CDK14: variants seen among roughly 807,000 people sequenced by gnomAD.
CDK14 encodes the protein cyclin dependent kinase 14, also known as cyclin-dependent kinase 14.
CDK14 carries 34 observed loss-of-function variants against 60.7 expected under a neutral mutation model. That is an observed-to-expected ratio of 0.56 (90% CI 0.43 to 0.75). The LOEUF (loss-of-function observed/expected upper bound fraction) is 0.75. Among genes scored for constraint, CDK14 ranks in the 30% least tolerant of loss-of-function variants. The pLI, the probability that CDK14 is intolerant of heterozygous loss-of-function variation, is 0.00. For synonymous variants in CDK14, 197 were observed against 203.7 expected, an observed-to-expected ratio of 0.97 and a Z score of 0.28; for missense variants, 482 against 564.1, an observed-to-expected ratio of 0.85 and a Z score of 1.47.
intron 14 of CDK14, among the ~76,000 whole-genome samples, chr7:91,127,052 C>T (rs922407650): frequency 2.6e-5 from 4 of 152,074 alleles, no homozygotes; most frequent in African/African-American, 9.7e-5. Flanking sequence ...AGAAAGCTCT[C>T]GGCTCATTAG....
At chr7:90,596,812 G>C in intron 1 of CDK14, 94 bp downstream of exon 1, 2 of 1,076,100 alleles carry the variant, frequency 1.9e-6, no homozygotes, top group South Asian at 1.4e-5. Flanking sequence ...AGCTGCCAGC[G>C]GGGCTGGCGT....
chr7:90,688,507 ATTAT>A (rs1380708470), intron 2 of CDK14, among the ~76,000 whole-genome samples: 2 of 152,052 alleles, frequency 1.3e-5, no homozygotes, highest in African/African-American at 2.4e-5. Context: ...ATTGTTTTTT[ATTAT>A]TTATAGGGCA....
At chr7:90,727,471 TTC>T (rs372961735) in intron 3 of CDK14, among the ~76,000 whole-genome samples, 7 of 152,274 alleles carry the variant, frequency 4.6e-5, no homozygotes, top group African/African-American at 1.7e-4. Context: ...AGAGAGAATA[TTC>T]TCTGTTATAT....
chr7:91,085,262 A>G (rs936435772), intron 12 of CDK14, among the ~76,000 whole-genome samples: 3 of 152,178 alleles, frequency 2.0e-5, no homozygotes, highest in Non-Finnish European at 4.4e-5. Flanking sequence ...ATTTACTCCC[A>G]TGCTCATGCA....
intron 12 of CDK14, among the ~76,000 whole-genome samples, chr7:91,103,802 T>C (rs1250782137): frequency 6.6e-6 from 1 of 151,998 alleles, no homozygotes; most frequent in African/African-American, 2.4e-5. Flanking sequence ...TTCATACATT[T>C]TTTTAAAAAA....
At chr7:90,895,541 TTCCCCTCCCCTCTCC>T (rs1190219247) in intron 6 of CDK14, among the ~76,000 whole-genome samples, 12 of 7,534 alleles carry the variant, frequency 1.6e-3, no homozygotes, top group African/African-American at 4.8e-3. Context: ...TTCCCCTCCC[TTCCCCTCCCCTCTCC>T]TCCCCTCCCC....
At chr7:91,060,979 A>G (rs1170567191) in intron 11 of CDK14, among the ~76,000 whole-genome samples, 1 of 152,174 alleles carries the variant, frequency 6.6e-6, no homozygotes, top group African/African-American at 2.4e-5. Flanking sequence ...CTCCTGGATA[A>G]TATCCTGAGG....
chr7:90,746,878 T>C (rs1233364997), intron 3 of CDK14, among the ~76,000 whole-genome samples: 2 of 152,212 alleles, frequency 1.3e-5, no homozygotes, highest in South Asian at 2.1e-4. Flanking sequence ...GTATTAGTGA[T>C]AGCTGAGTGA....
chr7:90,915,458 G>T (rs1474350278), intron 7 of CDK14, among the ~76,000 whole-genome samples: 1 of 152,080 alleles, frequency 6.6e-6, no homozygotes, highest in East Asian at 1.9e-4. Flanking sequence ...GGTAGGCAAG[G>T]TTTCTTGGAG....
In CDK14 at chr7:91,079,006, A is replaced by G. The variant is rs796458425; in HGVS notation, c.1106-426A>G. ...TGAGCATGTATAAATACCATACAAT[A>G]TAGGAAAGGAGACCCAATATTATTG... On this transcript the variant is annotated intron_variant, in intron 11 of 14. Transcript: ENST00000380050. Among the ~76,000 whole-genome samples, 29 of 152,326 alleles carry G rather than the reference A, an allele frequency of 1.9e-4. No homozygotes were observed. The East Asian group carries it at 4.4e-3, about 23-fold the overall frequency.
chr7:90,647,737 T>TC, intron 2 of CDK14, among the ~76,000 whole-genome samples: 1 of 152,160 alleles, frequency 6.6e-6, no homozygotes, highest in Non-Finnish European at 1.5e-5. Context: ...ATGCCTGTAA[T>TC]CCCAATTACT....
intron 7 of CDK14, among the ~76,000 whole-genome samples, chr7:90,912,017 C>T (rs917055659): frequency 1.3e-5 from 2 of 152,116 alleles, no homozygotes; most frequent in Admixed American, 6.5e-5. Flanking sequence ...TTCATCGTTT[C>T]ATTACTATTT....
At chr7:90,805,541 TA>T (rs1186593334) in intron 5 of CDK14, among the ~76,000 whole-genome samples, 19 of 152,092 alleles carry the variant, frequency 1.2e-4, no homozygotes, top group Non-Finnish European at 2.1e-4. Flanking sequence ...ATACTTATAA[TA>T]AAAAAGAAAT....
chr7:90,680,909 G>T (rs1563042515), intron 2 of CDK14, among the ~76,000 whole-genome samples: 1 of 152,178 alleles, frequency 6.6e-6, no homozygotes, highest in Non-Finnish European at 1.5e-5. Flanking sequence ...GCCATACGTG[G>T]ATGTACTTTA....
chr7:90,717,697 A>G (rs1247633218), intron 2 of CDK14, among the ~76,000 whole-genome samples: 2 of 152,152 alleles, frequency 1.3e-5, no homozygotes, highest in Non-Finnish European at 2.9e-5. Context: ...CTTGTTTTTA[A>G]TGTAGTTTCT....
chr7:90,986,555 T>G (rs566149429), intron 10 of CDK14, among the ~76,000 whole-genome samples: 1 of 152,098 alleles, frequency 6.6e-6, no homozygotes, highest in Non-Finnish European at 1.5e-5. Flanking sequence ...TGTATAAACA[T>G]GTTTGGTTTT....
At position 90,909,131 on chromosome 7, in the gene CDK14, G is replaced by T. The variant is rs1161559308; in HGVS notation, c.703-8470G>T. 2.6e-5 allele frequency among the ~76,000 whole-genome samples: 4 copies of T among 152,252 alleles called. No homozygotes were observed. The East Asian group carries it at 7.7e-4, about 29-fold the overall frequency. On this transcript the variant is annotated intron_variant, in intron 7 of 14. Coordinates refer to ENST00000380050, the MANE Select transcript of CDK14 (RefSeq NM_001287135.2). Reference sequence around the variant, plus strand: ...ATAAGTTCCCAAATGAAATTGAGTAGGAAGACCTACTGACTCTCCATTTCC... The same window carrying T: ...ATAAGTTCCCAAATGAAATTGAGTATGAAGACCTACTGACTCTCCATTTCC...
At chr7:90,960,716 A>G (rs1378467949) in intron 9 of CDK14, among the ~76,000 whole-genome samples, 2 of 152,168 alleles carry the variant, frequency 1.3e-5, no homozygotes, top group Non-Finnish European at 2.9e-5. Flanking sequence ...TTCTGCCATT[A>G]TCTTTAATGA....
At chr7:90,793,528 G>A (rs1385156706) in intron 5 of CDK14, among the ~76,000 whole-genome samples, 4 of 152,198 alleles carry the variant, frequency 2.6e-5, no homozygotes, top group African/African-American at 9.6e-5. Context: ...TAGAAAAGGA[G>A]CTGAGACCAG....
Sources: allele counts gnomAD v4.1 joint callset (sites outside exome capture counted in the v4.1 genomes callset), GRCh38; gene constraint gnomAD v4.1.1; transcripts MANE v1.5; gene names NCBI Gene and HGNC (gene_info 2026-07-23, HGNC 2026-07-21).